Variants in ARHGAP25 observed in about 807,000 individuals in gnomAD.
The protein encoded by ARHGAP25 is rho GTPase-activating protein 25.
Under a neutral mutation model 71.0 loss-of-function variants are expected in ARHGAP25, and 34 were observed. The observed-to-expected ratio is 0.48, with a 90% CI of 0.36 to 0.64. The LOEUF (loss-of-function observed/expected upper bound fraction) is 0.64. Among genes scored for constraint, ARHGAP25 ranks in the 30% least tolerant of loss-of-function variants. The probability of loss-of-function intolerance (pLI) is 0.00; values close to 1 mark genes in which losing one functional copy is unlikely to be tolerated. For synonymous variants in ARHGAP25, 282 were observed against 296.5 expected (o/e 0.95, Z 0.50); for missense variants, 706 against 805.1 (o/e 0.88, Z 1.49).
chr2:68,822,358 A>T lies in ARHGAP25; in HGVS notation c.1219A>T (p.Thr407Ser). 6.2e-7 allele frequency: 1 copy of T among 1,613,920 alleles called. No individual in the cohort carries two copies. The highest frequency in any genetic ancestry group is 8.5e-7 in the Non-Finnish European group (1 of 1,179,912). ...FSSMTSDSDT[T>S]SPTGQQPSDA... ...TTTCTAGACAAGCGACTCTGATACA[A>T]CCAGCCCCACCGGACAGCAGCCGAG... The change falls in exon 10 of 11, where the codon ACC (threonine) becomes TCC (serine). Residue 407 changes from threonine to serine, a missense_variant. Transcript: ENST00000409202.
chr2:68,766,545 G>A (rs917966332), intron 1 of ARHGAP25, among the ~76,000 whole-genome samples: 4 of 152,152 alleles, frequency 2.6e-5, no homozygotes, highest in Admixed American at 6.5e-5. Context: ...TAAGAAACAC[G>A]AAAGCCACAA....
At chr2:68,735,689 T>TA (rs1675177414) in intron 1 of ARHGAP25, 1 of 172,712 alleles carries the variant, frequency 5.8e-6, no homozygotes, top group African/African-American at 2.4e-5. Context: ...AGCCCAGGAG[T>TA]CAAGGTGTAT....
At chr2:68,762,043 T>C (rs1404862479) in intron 1 of ARHGAP25, among the ~76,000 whole-genome samples, 1 of 152,200 alleles carries the variant, frequency 6.6e-6, no homozygotes, top group South Asian at 2.1e-4. Context: ...ATAGAATGTA[T>C]TCAGCCTTAA....
At chr2:68,750,821 C>G (rs1676125141) in intron 1 of ARHGAP25, among the ~76,000 whole-genome samples, 2 of 152,210 alleles carry the variant, frequency 1.3e-5, no homozygotes, top group Admixed American at 1.3e-4. Flanking sequence ...AGATCCTGCT[C>G]ACACAGGGAA....
chr2:68,807,766 A>C (rs1387521612), intron 5 of ARHGAP25, among the ~76,000 whole-genome samples: 1 of 152,178 alleles, frequency 6.6e-6, no homozygotes, highest in Non-Finnish European at 1.5e-5. Context: ...GGTGATGTGC[A>C]GAGGAGGGGA....
At position 68,822,809 on chromosome 2, in the gene ARHGAP25, T is replaced by C. The variant is rs10177248; in HGVS notation, c.1670T>C (p.Met557Thr). The C allele has an allele frequency of 0.32, 520,353 of 1,613,800 alleles. 86,062 individuals carry two copies. The highest frequency in any genetic ancestry group is 0.49 in the East Asian group (21,773 of 44,868). ...GEEEIDSLQRMVQELRKEIET... is the reference protein window; with the variant it reads ...GEEEIDSLQRTVQELRKEIET... Reference sequence around the variant, plus strand: ...GAGGAAATTGATTCTTTGCAGAGGATGGTCCAAGAGCTACGAAAGGAAATA... The same window carrying C: ...GAGGAAATTGATTCTTTGCAGAGGACGGTCCAAGAGCTACGAAAGGAAATA... The change falls in exon 10 of 11, where the codon ATG (methionine) becomes ACG (threonine). Residue 557 changes from methionine (M) to threonine (T), a missense_variant. Physicochemically the swap from Met to Thr is moderately conservative, Grantham distance 81. Coordinates refer to ENST00000409202, the MANE Select transcript of ARHGAP25 (RefSeq NM_001007231.3).
At chr2:68,825,435 GA>G (rs1179501329) in intron 10 of ARHGAP25, among the ~76,000 whole-genome samples, 3 of 152,024 alleles carry the variant, frequency 2.0e-5, no homozygotes, top group Admixed American at 2.0e-4. Flanking sequence ...AACGACATGA[GA>G]AAAAACACAA....
chr2:68,716,536 A>G (rs1286329729), intron 2 of ARHGAP25, among the ~76,000 whole-genome samples: 2 of 152,194 alleles, frequency 1.3e-5, no homozygotes, highest in Non-Finnish European at 2.9e-5. Flanking sequence ...GATTATATCT[A>G]TCCTTCCCTG....
intron 4 of ARHGAP25, among the ~76,000 whole-genome samples, chr2:68,802,890 T>C (rs1175749758): frequency 2.6e-5 from 4 of 151,770 alleles, no homozygotes. Context: ...TATCAATCCA[T>C]ATGTACACAC....
chr2:68,783,949 G>A (rs569300987), intron 3 of ARHGAP25, among the ~76,000 whole-genome samples: 7 of 152,272 alleles, frequency 4.6e-5, no homozygotes, highest in Admixed American at 1.3e-4. Flanking sequence ...TAACATGTGT[G>A]TCCCAAAGCC....
chr2:68,752,448 T>C (rs979842344), intron 1 of ARHGAP25, among the ~76,000 whole-genome samples: 1 of 152,186 alleles, frequency 6.6e-6, no homozygotes, highest in Non-Finnish European at 1.5e-5. Flanking sequence ...GTGGCATTAT[T>C]GTTATCTCAT....
At chr2:68,738,796 G>C (rs571157872) in intron 1 of ARHGAP25, among the ~76,000 whole-genome samples, 4 of 150,698 alleles carry the variant, frequency 2.7e-5, no homozygotes, top group Admixed American at 2.6e-4. Context: ...ACTCCAGCTT[G>C]GGCGACAGAG....
intron 3 of ARHGAP25, 59 bp downstream of exon 3, chr2:68,782,379 C>G: frequency 6.7e-7 from 1 of 1,499,106 alleles, no homozygotes; most frequent in South Asian, 1.1e-5. Context: ...CATTTTACTT[C>G]TGGACCCTAG....
intron 10 of ARHGAP25, among the ~76,000 whole-genome samples, chr2:68,823,314 G>C (rs1402948044): frequency 6.6e-6 from 1 of 152,132 alleles, no homozygotes. Context: ...AGTGGGGACA[G>C]ATGGACAATA....
At chr2:68,719,458 C>T (rs1238173049) in intron 2 of ARHGAP25, among the ~76,000 whole-genome samples, 1 of 148,960 alleles carries the variant, frequency 6.7e-6, no homozygotes, top group Non-Finnish European at 1.5e-5. Context: ...AAAAACCCCA[C>T]AAAACAAACA....
intron 1 of ARHGAP25, among the ~76,000 whole-genome samples, chr2:68,773,724 G>C (rs925170112): frequency 2.6e-5 from 4 of 152,200 alleles, no homozygotes; most frequent in African/African-American, 9.7e-5. Flanking sequence ...GAGGAAGCTT[G>C]ATGATGGAAT....
At chr2:68,779,688 T>G (rs1214236308) in intron 2 of ARHGAP25, among the ~76,000 whole-genome samples, 1 of 152,224 alleles carries the variant, frequency 6.6e-6, no homozygotes, top group African/African-American at 2.4e-5. Context: ...TGTGGCCTCC[T>G]GCATAAACAT....
At chr2:68,734,502 A>G (rs992174774), upstream of ARHGAP25, among the ~76,000 whole-genome samples, 5 of 152,184 alleles carry the variant, frequency 3.3e-5, no homozygotes, top group Admixed American at 1.3e-4. Flanking sequence ...TTAAAAGAAG[A>G]TAACTTTGGG....
chr2:68,792,990 A>C (rs914921638), intron 4 of ARHGAP25, among the ~76,000 whole-genome samples: 3 of 151,792 alleles, frequency 2.0e-5, no homozygotes, highest in Non-Finnish European at 2.9e-5. Flanking sequence ...GTGCGATCTC[A>C]TTGTGGTTTT....
Sources: allele counts gnomAD v4.1 joint callset (sites outside exome capture counted in the v4.1 genomes callset), GRCh38; gene constraint gnomAD v4.1.1; transcripts MANE v1.5; gene names NCBI Gene and HGNC (gene_info 2026-07-23, HGNC 2026-07-21).